The following PHLPP1 variants were observed in gnomAD, a reference collection of about 807,000 sequenced individuals.
PHLPP1 encodes the protein PH domain leucine-rich repeat-containing protein phosphatase 1.
PHLPP1 carries 42 observed loss-of-function variants against 117.2 expected under a neutral mutation model. The observed-to-expected ratio is 0.36, with a 90% confidence interval of 0.28 to 0.46. The LOEUF is 0.46. Ranked by LOEUF, PHLPP1 falls within the 20% of genes least tolerant of loss-of-function variation. The probability of loss-of-function intolerance (pLI) is 1.00; values close to 1 mark genes in which losing one functional copy is unlikely to be tolerated. For synonymous variants in PHLPP1, 1,042 were observed against 970.7 expected, an observed-to-expected ratio of 1.07 and a Z score of -1.37; for missense variants, 2,084 against 2,241.9, an observed-to-expected ratio of 0.93 and a Z score of 1.42.
intron 6 of PHLPP1, among the ~76,000 whole-genome samples, chr18:62,901,677 G>A (rs1316548619): frequency 2.0e-5 from 3 of 148,712 alleles, no homozygotes; most frequent in Non-Finnish European, 4.4e-5. Context: ...AGGCTAGAGT[G>A]CAATGGCGTG....
intron 2 of PHLPP1, among the ~76,000 whole-genome samples, chr18:62,836,872 G>A (rs1050411968): frequency 2.0e-5 from 3 of 152,108 alleles, no homozygotes; most frequent in East Asian, 1.9e-4. Flanking sequence ...TAGGAGAATC[G>A]CTTGCAATCG....
chr18:62,818,257 G>A (rs929079921), intron 1 of PHLPP1, among the ~76,000 whole-genome samples: 1 of 152,220 alleles, frequency 6.6e-6, no homozygotes, highest in African/African-American at 2.4e-5. Context: ...TGGGCCAGCC[G>A]CAGTGGCTCA....
intron 10 of PHLPP1, among the ~76,000 whole-genome samples, chr18:62,924,678 A>G (rs904709801): frequency 0.47 from 53,275 of 114,336 alleles, 12,162 homozygotes; most frequent in Middle Eastern, 0.59. Flanking sequence ...TACAAATTGA[A>G]AAAAAAAAAA....
At chr18:62,820,654 C>T (rs532303897) in intron 1 of PHLPP1, among the ~76,000 whole-genome samples, 1 of 152,172 alleles carries the variant, frequency 6.6e-6, no homozygotes, top group African/African-American at 2.4e-5. Flanking sequence ...CTTTGCTTCC[C>T]CTTCTACCAT....
intron 8 of PHLPP1, 145 bp downstream of exon 8, chr18:62,905,429 A>G (rs1239955065): frequency 3.1e-5 from 13 of 418,886 alleles, no homozygotes; most frequent in Non-Finnish European, 4.7e-5. Flanking sequence ...CTAAAATTAT[A>G]TATATCTATT....
chr18:62,801,476 C>T (rs1417883215), intron 1 of PHLPP1, among the ~76,000 whole-genome samples: 2 of 151,724 alleles, frequency 1.3e-5, no homozygotes, highest in Non-Finnish European at 2.9e-5. Flanking sequence ...ATGGAGCCTC[C>T]CTCTGTCCGT....
intron 1 of PHLPP1, among the ~76,000 whole-genome samples, chr18:62,781,377 G>T (rs184518618): frequency 2.0e-5 from 3 of 152,102 alleles, no homozygotes; most frequent in Admixed American, 1.3e-4. Flanking sequence ...CCAGGGCCTC[G>T]CCATGGACAG....
intron 4 of PHLPP1, among the ~76,000 whole-genome samples, chr18:62,885,702 A>C (rs188218863): frequency 8.5e-4 from 130 of 152,276 alleles, no homozygotes; most frequent in African/African-American, 3.1e-3. Context: ...ATATTTACCT[A>C]ATAAAGGTAG....
At chr18:62,922,348 G>T (rs140600807) in intron 10 of PHLPP1, among the ~76,000 whole-genome samples, 25 of 152,268 alleles carry the variant, frequency 1.6e-4, no homozygotes, top group African/African-American at 5.5e-4. Flanking sequence ...TGTTGACCAG[G>T]CTGGTCTTAA....
At chr18:62,890,494 G>C (rs1322514374) in intron 4 of PHLPP1, among the ~76,000 whole-genome samples, 1 of 152,104 alleles carries the variant, frequency 6.6e-6, no homozygotes, top group Admixed American at 6.5e-5. Context: ...TCGAAGTCTT[G>C]ACCTCAGGTG....
At chr18:62,777,346 G>A (rs549441873) in intron 1 of PHLPP1, among the ~76,000 whole-genome samples, 41 of 152,168 alleles carry the variant, frequency 2.7e-4, no homozygotes, top group Non-Finnish European at 5.0e-4. Context: ...TCATTTATGA[G>A]ATGTGAGTTT....
chr18:62,883,603 T>A (rs1431658274), intron 4 of PHLPP1, among the ~76,000 whole-genome samples: 2 of 152,320 alleles, frequency 1.3e-5, no homozygotes, highest in Middle Eastern at 3.4e-3. Flanking sequence ...GAGTATGAAT[T>A]TCTGTAACTT....
At chr18:62,961,423 T>C (rs564397455) in intron 13 of PHLPP1, among the ~76,000 whole-genome samples, 135 of 152,250 alleles carry the variant, frequency 8.9e-4, no homozygotes, top group Non-Finnish European at 1.6e-3. Flanking sequence ...ATTTGTGTGC[T>C]GGGGAGAGGG....
intron 4 of PHLPP1, among the ~76,000 whole-genome samples, chr18:62,875,380 C>CTAT (rs768292490): frequency 2.6e-5 from 4 of 152,070 alleles, no homozygotes; most frequent in Non-Finnish European, 4.4e-5. Flanking sequence ...TTGTGTGTTA[C>CTAT]TATTGTCCCC....
At chr18:62,966,297 C>T (rs924801781) in intron 14 of PHLPP1, among the ~76,000 whole-genome samples, 57 of 151,912 alleles carry the variant, frequency 3.8e-4, no homozygotes, top group Admixed American at 3.7e-3. Flanking sequence ...TATTATTTAT[C>T]CCTGAGCTCC....
intron 4 of PHLPP1, among the ~76,000 whole-genome samples, chr18:62,875,440 A>G (rs1205934053): frequency 6.6e-6 from 1 of 152,046 alleles, no homozygotes; most frequent in African/African-American, 2.4e-5. Context: ...TTTTGTAAAG[A>G]TACTGTGACT....
chr18:62,945,329 C>A, intron 12 of PHLPP1, 58 bp downstream of exon 12: 1 of 1,403,450 alleles, frequency 7.1e-7, no homozygotes, highest in Non-Finnish European at 9.7e-7. Flanking sequence ...AGTTGACTTC[C>A]TAACTCATCA....
rs1342331569 is a variant in PHLPP1 at position 62,975,409 on chromosome 18, T to C, written c.3768T>C (p.Thr1256=). ...TFIVMQRKLG[T]AGQKLGGAAV... is the part of the protein sequence containing the mutation. ...CTTCGGATTCCAGGAAACTTGGAAC[T>C]GCTGGGCAGAAGCTTGGTGGTGCCG... is the stretch of plus-strand genomic sequence containing the variant. The change falls in exon 16 of 17, where the codon ACT becomes ACC. Residue 1256 remains threonine (T), a synonymous_variant. Transcript: ENST00000262719. The C allele has an allele frequency of 1.2e-6, 2 of 1,612,988 alleles. No homozygotes were observed. Among genetic ancestry groups the C allele is most frequent in the African/African-American group, 2.7e-5 (2 of 74,920 alleles).
At chr18:62,786,685 T>A (rs1175571403) in intron 1 of PHLPP1, among the ~76,000 whole-genome samples, 2 of 152,220 alleles carry the variant, frequency 1.3e-5, no homozygotes, top group African/African-American at 4.8e-5. Context: ...TATCTACACT[T>A]AAAGGCTGTC....
Sources: allele counts gnomAD v4.1 joint callset (sites outside exome capture counted in the v4.1 genomes callset), GRCh38; gene constraint gnomAD v4.1.1; transcripts MANE v1.5; gene names NCBI Gene and HGNC (gene_info 2026-07-23, HGNC 2026-07-21).